The following FOXP2 variants were observed in gnomAD, a reference collection of about 807,000 sequenced individuals.
FOXP2 encodes the protein forkhead box P2.
Under a neutral mutation model 115.8 loss-of-function variants are expected in FOXP2, and 12 were observed. The ratio of observed to expected loss-of-function variants is 0.10; its 90% CI spans 0.07 to 0.17. The LOEUF is 0.17. Ranked by LOEUF, FOXP2 falls within the 10% of genes least tolerant of loss-of-function variation. The probability of loss-of-function intolerance (pLI) is 1.00; values close to 1 mark genes in which losing one functional copy is unlikely to be tolerated. For missense variants in FOXP2, 629 were observed against 843.5 expected, an observed-to-expected ratio of 0.75 and a Z score of 3.15; for synonymous variants, 328 against 297.7, an observed-to-expected ratio of 1.10 and a Z score of -1.05.
intron 1 of FOXP2, among the ~76,000 whole-genome samples, chr7:114,201,965 C>A (rs1411093732): frequency 1.3e-5 from 2 of 152,118 alleles, no homozygotes; most frequent in African/African-American, 2.4e-5. Flanking sequence ...AACAAGATAT[C>A]TTCCCTGGAA....
rs528781664 is a variant in FOXP2 at position 114,552,713 on chromosome 7, C to T, written c.258+18007C>T. Among the ~76,000 whole-genome samples the T allele has an allele frequency of 4.7e-3, 713 of 152,080 alleles. 2 individuals are homozygous for T. The highest frequency in any genetic ancestry group is 7.2e-3 in the Non-Finnish European group (489 of 67,954). On this transcript the variant is annotated intron_variant, in intron 3 of 16. Transcript: ENST00000350908. ...TTACATACGTTATTCCATTATGTTC[C>T]ACATACCCCTATGACATGCCAGCTT...
chr7:114,607,151 T>A (rs560190619), intron 3 of FOXP2, among the ~76,000 whole-genome samples: 1 of 152,174 alleles, frequency 6.6e-6, no homozygotes, highest in Non-Finnish European at 1.5e-5. Context: ...TCTGTTTATT[T>A]TATAAGGCCA....
chr7:114,104,939 A>C (rs1324354938), intron 1 of FOXP2, among the ~76,000 whole-genome samples: 2 of 152,078 alleles, frequency 1.3e-5, no homozygotes, highest in African/African-American at 4.8e-5. Context: ...TTTGCGATTC[A>C]TAGTAATAAT....
At chr7:114,181,862 A>G (rs1328160353) in intron 1 of FOXP2, among the ~76,000 whole-genome samples, 2 of 152,218 alleles carry the variant, frequency 1.3e-5, no homozygotes, top group South Asian at 4.1e-4. Flanking sequence ...TATCTGTAGA[A>G]TGGTTCAACT....
chr7:114,416,527 A>G (rs925051036), intron 1 of FOXP2: 1 of 151,860 alleles, frequency 6.6e-6, no homozygotes, highest in Admixed American at 6.6e-5. Context: ...AAAAAAAAAA[A>G]AAGCACTCTA....
chr7:114,318,151 A>G (rs1797318486), intron 2 of FOXP2, among the ~76,000 whole-genome samples: 1 of 152,068 alleles, frequency 6.6e-6, no homozygotes, highest in African/African-American at 2.4e-5. Context: ...TACTGTTCTA[A>G]TTTTAATAAT....
At chr7:114,108,061 T>C (rs938603623) in intron 1 of FOXP2, among the ~76,000 whole-genome samples, 3 of 152,006 alleles carry the variant, frequency 2.0e-5, no homozygotes, top group Non-Finnish European at 2.9e-5. Flanking sequence ...GTTAGTTTTG[T>C]TCCTAATTAA....
chr7:114,391,060 G>C (rs2129194319), intron 2 of FOXP2, among the ~76,000 whole-genome samples: 1 of 152,164 alleles, frequency 6.6e-6, no homozygotes, highest in South Asian at 2.1e-4. Context: ...GGTGGCAGGT[G>C]CCTGTATTCC....
At chr7:114,310,087 C>T (rs1279048315) in intron 2 of FOXP2, among the ~76,000 whole-genome samples, 1 of 152,150 alleles carries the variant, frequency 6.6e-6, no homozygotes, top group East Asian at 1.9e-4. Flanking sequence ...GTTTTGGTTA[C>T]TGCTACCTTG....
At chr7:114,325,721 A>G (rs575273311) in intron 2 of FOXP2, among the ~76,000 whole-genome samples, 1 of 152,206 alleles carries the variant, frequency 6.6e-6, no homozygotes, top group East Asian at 1.9e-4. Context: ...GGAATGGATC[A>G]CAGAAATATT....
intron 2 of FOXP2, among the ~76,000 whole-genome samples, chr7:114,344,688 T>C (rs1489413435): frequency 1.3e-5 from 2 of 151,828 alleles, no homozygotes; most frequent in African/African-American, 2.4e-5. Flanking sequence ...ATGTTTAAGA[T>C]CATAAAATTG....
intron 2 of FOXP2, among the ~76,000 whole-genome samples, chr7:114,483,505 G>T (rs1212631502): frequency 3.3e-5 from 5 of 151,604 alleles, no homozygotes; most frequent in Admixed American, 2.6e-4. Context: ...AGTACCCAAT[G>T]TCAGGTATTC....
At chr7:114,650,348 T>C (rs1278407347) in intron 8 of FOXP2, among the ~76,000 whole-genome samples, 1 of 152,018 alleles carries the variant, frequency 6.6e-6, no homozygotes, top group Non-Finnish European at 1.5e-5. Context: ...TCTCAGTGTA[T>C]AACTGAAGCA....
chr7:114,526,991 AT>A (rs200748852), intron 2 of FOXP2, among the ~76,000 whole-genome samples: 58,630 of 128,590 alleles, frequency 0.46, 11,451 homozygotes, highest in Admixed American at 0.51. Flanking sequence ...CCACTAATCT[AT>A]TTTTTTTTTT....
intron 1 of FOXP2, among the ~76,000 whole-genome samples, chr7:114,229,535 A>C (rs1194323): frequency 0.63 from 94,889 of 151,312 alleles, 30,778 homozygotes; most frequent in Admixed American, 0.77. Context: ...AGATTGAAAT[A>C]ATACCAAATA....
intron 3 of FOXP2, among the ~76,000 whole-genome samples, chr7:114,571,877 T>G (rs1435326028): frequency 6.6e-6 from 1 of 151,754 alleles, no homozygotes; most frequent in Non-Finnish European, 1.5e-5. Context: ...TATACACAAC[T>G]TTTGCTTGTT....
chr7:114,629,565 A>G (rs768400826), intron 4 of FOXP2: 20 of 1,533,570 alleles, frequency 1.3e-5, no homozygotes, highest in Admixed American at 2.0e-5. Flanking sequence ...CCTTTAGAAT[A>G]CAGACTTTCT....
intron 3 of FOXP2, among the ~76,000 whole-genome samples, chr7:114,612,647 G>A (rs931769460): frequency 6.6e-6 from 1 of 152,036 alleles, no homozygotes; most frequent in African/African-American, 2.4e-5. Flanking sequence ...CAGAATACAG[G>A]GCTTGATACA....
chr7:114,372,066 A>G (rs1268461052), intron 2 of FOXP2, among the ~76,000 whole-genome samples: 1 of 152,196 alleles, frequency 6.6e-6, no homozygotes, highest in Non-Finnish European at 1.5e-5. Context: ...TCATCTTCAC[A>G]TCACCAATTT....
Sources: allele counts gnomAD v4.1 joint callset (sites outside exome capture counted in the v4.1 genomes callset), GRCh38; gene constraint gnomAD v4.1.1; transcripts MANE v1.5; gene names NCBI Gene and HGNC (gene_info 2026-07-23, HGNC 2026-07-21).